CFAP57: variants seen among roughly 807,000 people sequenced by gnomAD.
The protein encoded by CFAP57 is cilia- and flagella-associated protein 57.
A neutral mutation model predicts 146.8 loss-of-function variants in CFAP57; 116 were observed. The observed-to-expected ratio is 0.79, with a 90% CI of 0.68 to 0.92. The LOEUF is 0.92. CFAP57 is among the 40% of genes least tolerant of loss of function. The pLI is 0.00. For synonymous variants in CFAP57, 518 were observed against 552.8 expected (o/e 0.94, Z 0.88); for missense variants, 1,377 against 1,527.2 (o/e 0.90, Z 1.64).
At chr1:43,235,817 A>C (rs1460174592) in intron 21 of CFAP57, among the ~76,000 whole-genome samples, 5 of 152,218 alleles carry the variant, frequency 3.3e-5, no homozygotes, top group African/African-American at 1.2e-4. Context: ...AACCAGGATG[A>C]CAGCAGGAGC....
At chr1:43,187,460 G>A (rs1643210136) in intron 6 of CFAP57, among the ~76,000 whole-genome samples, 1 of 151,588 alleles carries the variant, frequency 6.6e-6, no homozygotes, top group Non-Finnish European at 1.5e-5. Flanking sequence ...CTCAGTAATG[G>A]TCCTTTTTTT....
At chr1:43,199,542 G>A (rs746235532) in intron 9 of CFAP57, 39 bp downstream of exon 9, 7 of 1,593,972 alleles carry the variant, frequency 4.4e-6, no homozygotes, top group Middle Eastern at 1.8e-4. Flanking sequence ...CAAGGGGCAC[G>A]GAGCCAAGTA....
chr1:43,209,781 C>T lies in CFAP57; in HGVS notation c.1794C>T (p.Thr598=), dbSNP rs746835110. The change falls in exon 11 of 23, where the codon ACC becomes ACT. Residue 598 remains threonine, a synonymous_variant. Transcript: ENST00000372492. ...REISAFDVTY[T]AIVISHSGRM... Reference sequence around the variant, plus strand: ...TATCGGCGTTTGATGTCACCTACACCGCCATTGTCATCTCGCATTCTGGAC... The same window carrying T: ...TATCGGCGTTTGATGTCACCTACACTGCCATTGTCATCTCGCATTCTGGAC... 26 of 1,614,032 alleles carry T rather than the reference C, an allele frequency of 1.6e-5. No individual in the cohort carries two copies. The East Asian group carries it at 1.8e-4, about 11-fold the overall frequency.
At chr1:43,245,736 T>C (rs1646091991) in intron 22 of CFAP57, among the ~76,000 whole-genome samples, 1 of 152,150 alleles carries the variant, frequency 6.6e-6, no homozygotes, top group Admixed American at 6.5e-5. Context: ...ACACAGTGGC[T>C]AAAAACAGAC....
chr1:43,209,996 G>A (rs1319216064), intron 11 of CFAP57, 80 bp downstream of exon 11: 10 of 1,613,188 alleles, frequency 6.2e-6, no homozygotes, highest in Non-Finnish European at 8.5e-6. Flanking sequence ...ACCTCCCAAT[G>A]TCTTTTCTCT....
chr1:43,190,576 A>G (rs1046302991), intron 6 of CFAP57, among the ~76,000 whole-genome samples: 2 of 151,838 alleles, frequency 1.3e-5, no homozygotes, highest in South Asian at 2.1e-4. Context: ...GGCTGCATCC[A>G]GTCTTTAACG....
chr1:43,231,929 G>A (rs1645487399), intron 18 of CFAP57: 1 of 474,306 alleles, frequency 2.1e-6, no homozygotes, highest in Non-Finnish European at 3.7e-6. Flanking sequence ...GTGAAGACAG[G>A]ACACTTCTCA....
At chr1:43,181,900 C>T in intron 3 of CFAP57, 50 bp downstream of exon 3, 3 of 1,573,820 alleles carry the variant, frequency 1.9e-6, no homozygotes, top group African/African-American at 1.3e-5. Context: ...AATAGAACTA[C>T]TTTTTATTGA....
At chr1:43,190,460 C>T (rs1447941048) in intron 6 of CFAP57, among the ~76,000 whole-genome samples, 22 of 151,942 alleles carry the variant, frequency 1.4e-4, no homozygotes, top group Admixed American at 3.9e-4. Context: ...TTAGTAGAGA[C>T]GGGGTTTCAC....
intron 21 of CFAP57, 72 bp from the exon 22 acceptor site, chr1:43,243,155 C>A: frequency 2.6e-6 from 4 of 1,510,670 alleles, no homozygotes; most frequent in Non-Finnish European, 3.6e-6. Context: ...ACACTCAGCC[C>A]AGGAGGGTAT....
rs182818293 is a variant in CFAP57 at position 43,187,181 on chromosome 1, T to C, written c.1122+322T>C. 5.3e-5 allele frequency among the ~76,000 whole-genome samples: 8 copies of C among 152,304 alleles called. No individual in the cohort carries two copies. In the East Asian group the frequency reaches 1.3e-3, roughly 26 times the overall value. On this transcript the variant is annotated intron_variant, in intron 6 of 22. Transcript: ENST00000372492. ...TGCTATATTTGCTCATGTACACAAA[T>C]ATGTATATATAAAAATGTTTCTTTT...
intron 2 of CFAP57, among the ~76,000 whole-genome samples, chr1:43,175,845 G>C (rs1645150350): frequency 7.6e-6 from 1 of 131,668 alleles, no homozygotes; most frequent in East Asian, 2.0e-4. Flanking sequence ...ACTCTTATTT[G>C]GATTTTTTAT....
At chr1:43,240,528 G>T (rs982641935) in intron 21 of CFAP57, among the ~76,000 whole-genome samples, 7 of 152,092 alleles carry the variant, frequency 4.6e-5, no homozygotes, top group African/African-American at 1.7e-4. Context: ...GCAAGGCCTG[G>T]GTTGGTTCAA....
chr1:43,247,921 C>T (rs1042085870), intron 22 of CFAP57, among the ~76,000 whole-genome samples: 10 of 151,992 alleles, frequency 6.6e-5, no homozygotes, highest in African/African-American at 1.9e-4. Context: ...GTCAGGAGAT[C>T]GAGACCATCC....
At position 43,191,811 on chromosome 1, in the gene CFAP57, T is replaced by C. The variant is rs527335171; in HGVS notation, c.1122+4952T>C. On this transcript the variant is annotated intron_variant, in intron 6 of 22. Coordinates refer to ENST00000372492, the MANE Select transcript of CFAP57 (RefSeq NM_001378189.1). ...AGGTTTAGGTTGCTCTTTTTTTTTT[T>C]CCAGTGTCTTAAGGTAGAAGATTAG... is the stretch of plus-strand genomic sequence containing the variant. Among the ~76,000 whole-genome samples, 3 of 151,700 alleles carry C rather than the reference T, an allele frequency of 2.0e-5. No individual in the cohort carries two copies. In the South Asian group the frequency reaches 6.2e-4, roughly 32 times the overall value.
At chr1:43,190,372 G>A (rs1366736383) in intron 6 of CFAP57, among the ~76,000 whole-genome samples, 1 of 147,110 alleles carries the variant, frequency 6.8e-6, no homozygotes, top group Non-Finnish European at 1.5e-5. Flanking sequence ...CCGGGTTCAT[G>A]CCATTCTCCT....
chr1:43,201,741 G>C lies in CFAP57; in HGVS notation c.1542+2238G>C, dbSNP rs952079083. Among the ~76,000 whole-genome samples, 2 of 152,182 alleles carry C rather than the reference G, an allele frequency of 1.3e-5. No homozygotes were observed. The highest frequency in any genetic ancestry group is 6.5e-5 in the Admixed American group (1 of 15,282). The stretch of plus-strand genomic sequence containing the variant: ...AGCGATTCTCCTGCCTCAGCCTCCT[G>C]AGTAGCTGGGATTACAGGCATGTAC... On this transcript the variant is annotated intron_variant, in intron 9 of 22. Coordinates refer to ENST00000372492, the MANE Select transcript of CFAP57 (RefSeq NM_001378189.1). This position sits in a 1 kb window ranked among gnomAD's most constrained non-coding sequence, Gnocchi z 4.4.
At position 43,254,171 on chromosome 1, in the gene CFAP57, T is replaced by C. The variant is rs1344342554; in HGVS notation, c.3733T>C (p.Leu1245=). Residue 1245 remains leucine, a synonymous_variant, in exon 23 of 23, where the codon TTA becomes CTA. Coordinates refer to ENST00000372492, the MANE Select transcript of CFAP57 (RefSeq NM_001378189.1). ...TTCCCTCTCCAACTCCGAGGTAGACTTAGAGGTGAAGACCAACTGACCCCC... is the reference window on the plus strand; with the variant it reads ...TTCCCTCTCCAACTCCGAGGTAGACCTAGAGGTGAAGACCAACTGACCCCC... The part of the protein sequence containing the change: ...LPSLSNSEVD[L]EVKTN 1.3e-6 allele frequency: 2 copies of C among 1,549,586 alleles called. No individual in the cohort carries two copies. Among genetic ancestry groups the C allele is most frequent in the Non-Finnish European group, 1.7e-6 (2 of 1,146,570 alleles).
intron 2 of CFAP57, among the ~76,000 whole-genome samples, chr1:43,180,241 A>T (rs866354675): frequency 0.065 from 9,471 of 145,314 alleles, 648 homozygotes; most frequent in East Asian, 0.28. Context: ...ATATATATAA[A>T]ATATATATAC....
Sources: allele counts gnomAD v4.1 joint callset (sites outside exome capture counted in the v4.1 genomes callset), GRCh38; gene constraint gnomAD v4.1.1; non-coding constraint Gnocchi (gnomAD v3.1); transcripts MANE v1.5; gene names NCBI Gene and HGNC (gene_info 2026-07-23, HGNC 2026-07-21).